MICAL1: variants seen among roughly 807,000 people sequenced by gnomAD.
MICAL1 encodes the protein [F-actin]-monooxygenase MICAL1.
A neutral mutation model predicts 131.8 loss-of-function variants in MICAL1; 95 were observed. That is an observed-to-expected ratio of 0.72 (90% CI 0.61 to 0.86). MICAL1 has a LOEUF of 0.86. Ranked by LOEUF, MICAL1 falls within the 40% of genes least tolerant of loss-of-function variation. The pLI is 0.00. For missense variants in MICAL1, 1,292 were observed against 1,380.6 expected, an observed-to-expected ratio of 0.94 and a Z score of 1.02; for synonymous variants, 546 against 554.2, an observed-to-expected ratio of 0.99 and a Z score of 0.21.
intron 22 of MICAL1, 73 bp downstream of exon 22, chr6:109,445,118 CACTGGG>C: frequency 6.3e-7 from 1 of 1,581,222 alleles, no homozygotes; most frequent in African/African-American, 1.3e-5. Context: ...GTGGCATAGC[CACTGGG>C]ACTCCTACGG....
rs148893072 is a variant in MICAL1 at position 109,449,468 on chromosome 6, T to C, written c.1448A>G (p.Tyr483Cys). 3.7e-6 allele frequency: 6 copies of C among 1,614,196 alleles called. No homozygotes were observed. The highest frequency in any genetic ancestry group is 2.2e-5 in the East Asian group (1 of 44,876). Residue 483 changes from tyrosine to cysteine, a missense_variant, in exon 11 of 25, where the codon TAT (tyrosine) becomes TGT (cysteine). By Grantham distance (194) the Tyr-to-Cys change is radical. Transcript: ENST00000358807. ...CACAGGCTCCTTGGCTAGCACATCA[T>C]ACAGGTCTCGTACCTAAGGCAGCCC... Reference protein sequence around the residue: ...AVTPNQVRDLYDVLAKEPVQR... With the variant: ...AVTPNQVRDLCDVLAKEPVQR...
Position 109,447,239 on chromosome 6 carries a change from C to CT in MICAL1, c.2071-11_2071-10insA. 1 of 1,613,920 alleles carries CT rather than the reference C, an allele frequency of 6.2e-7. No individual in the cohort carries two copies. Among genetic ancestry groups the CT allele is most frequent in the Non-Finnish European group, 8.5e-7 (1 of 1,179,868 alleles). On this transcript the variant is annotated splice_polypyrimidine_tract_variant and intron_variant, in intron 16 of 24. Transcript: ENST00000358807. ...GGTCCCCAGCACCGGCCTGCGTGGA[C>CT]CCCCAGGACACAGGGTCAGGTGGAG...
rs1162823714 is a variant in MICAL1, at chr6:109,452,293, G to A, written c.785C>T (p.Ala262Val). The A allele has an allele frequency of 3.1e-6, 5 of 1,614,018 alleles. No individual in the cohort carries two copies. The highest frequency in any genetic ancestry group is 4.2e-6 in the Non-Finnish European group (5 of 1,180,024). The part of the protein sequence containing the change: ...ETQVPEISGV[A>V]RIYNQSFFQS... ...GAAGAAGCTCTGGTTGTAGATCCTGGCTACACCACTGATCTCCGGCACCTG... is the reference window on the plus strand; with the variant it reads ...GAAGAAGCTCTGGTTGTAGATCCTGACTACACCACTGATCTCCGGCACCTG... The change falls in exon 6 of 25, where the codon GCC becomes GTC. Residue 262 changes from alanine (A) to valine (V), a missense_variant. Transcript: ENST00000358807.
chr6:109,446,551 G>C (rs1775227158), intron 18 of MICAL1, 139 bp from the exon 19 acceptor site: 2 of 1,363,394 alleles, frequency 1.5e-6, no homozygotes, highest in Non-Finnish European at 2.1e-6. Flanking sequence ...AGAACAAGAA[G>C]TGTAAGCAGA....
chr6:109,452,198 G>T (rs1219609154), intron 6 of MICAL1, 48 bp downstream of exon 6: 4 of 1,576,574 alleles, frequency 2.5e-6, no homozygotes, highest in Non-Finnish European at 3.5e-6. Context: ...CAGGAGCCAG[G>T]CCACAGTCAG....
At position 109,453,675 on chromosome 6, in the gene MICAL1, G is replaced by T; in HGVS notation, c.429C>A (p.Phe143Leu). The change falls in exon 3 of 25, where the codon TTC becomes TTA. Residue 143 changes from phenylalanine (F) to leucine (L), a missense_variant. Transcript: ENST00000358807. ...HDLRALGAKK[F>L]YGRFCTGTLD... ...GGGTGCCGGTGCAGAAGCGCCCGTA[G>T]AACTTCTTAGCACCGAGTGCCCGCA... 5 of 1,613,488 alleles carry T rather than the reference G, an allele frequency of 3.1e-6. No individual in the cohort carries two copies. The highest frequency in any genetic ancestry group is 4.2e-6 in the Non-Finnish European group (5 of 1,179,780).
chr6:109,445,647 T>C (rs987068561), intron 20 of MICAL1, 118 bp from the exon 21 acceptor site: 12 of 1,503,486 alleles, frequency 8.0e-6, no homozygotes, highest in African/African-American at 1.4e-5. Flanking sequence ...GTAGAAAAGG[T>C]AGAGGCCAGA....
chr6:109,455,830 A>G, upstream of MICAL1: 5 of 985,190 alleles, frequency 5.1e-6, no homozygotes, highest in Non-Finnish European at 6.0e-6. This position sits in a 1 kb window ranked among gnomAD's most constrained non-coding sequence, Gnocchi z 4.7. Context: ...TCGGGCGGGG[A>G]TGCTGGGATG....
rs1775298287 is a variant in MICAL1 at position 109,447,707 on chromosome 6, C to T, written c.1960G>A (p.Ala654Thr). ...RSRAKENAEDAGGKKLRLEME... is the reference protein window; with the variant it reads ...RSRAKENAEDTGGKKLRLEME... ...TCCAAGCGCAGCTTCTTGCCACCAG[C>T]ATCCTCTGCATTTTCCTGCAATAAG... The change falls in exon 15 of 25, where the codon GCT (alanine) becomes ACT (threonine). Residue 654 changes from alanine (A) to threonine (T), a missense_variant. Transcript: ENST00000358807. 1 of 1,614,104 alleles carries T rather than the reference C, an allele frequency of 6.2e-7. No individual in the cohort carries two copies. Among genetic ancestry groups the T allele is most frequent in the South Asian group, 1.1e-5 (1 of 91,076 alleles).
Position 109,445,403 on chromosome 6 carries a change from C to T in MICAL1, c.2787+13G>A, listed in dbSNP as rs1464765731. 6 of 1,613,866 alleles carry T rather than the reference C, an allele frequency of 3.7e-6. No individual in the cohort carries two copies. The highest frequency in any genetic ancestry group is 1.1e-5 in the South Asian group (1 of 91,080). On this transcript the variant is annotated intron_variant, in intron 21 of 24. Coordinates refer to ENST00000358807, the MANE Select transcript of MICAL1 (RefSeq NM_022765.4). ...TTGACCCCATCAGAATTTTGGGAAC[C>T]CCCGGGCTTCACCTGGGCCTTGCAG...
At chr6:109,445,979 G>A in intron 19 of MICAL1, 117 bp from the exon 20 acceptor site, 3 of 1,494,954 alleles carry the variant, frequency 2.0e-6, no homozygotes, top group Non-Finnish European at 1.8e-6. Flanking sequence ...GTATGTGTTG[G>A]GGCATGGGAG....
At chr6:109,444,658 T>C in intron 24 of MICAL1, 67 bp downstream of exon 24, 1 of 1,560,300 alleles carries the variant, frequency 6.4e-7, no homozygotes, top group Non-Finnish European at 8.8e-7. Context: ...TTGGTCAGTA[T>C]CTGAGATCAT....
Position 109,445,770 on chromosome 6 carries a change from C to T in MICAL1, c.2673+1G>A, listed in dbSNP as rs896675855. ...TTGTGGCTGCACGCTGGCCCACTCA[C>T]CTGTTCCACATCTGAGTCCAAAGGC... On this transcript the variant is annotated splice_donor_variant, in intron 20 of 24. Coordinates refer to ENST00000358807, the MANE Select transcript of MICAL1 (RefSeq NM_022765.4). LOFTEE classifies it high-confidence loss of function. 3 of 1,609,880 alleles carry T rather than the reference C, an allele frequency of 1.9e-6. No individual in the cohort carries two copies. Among genetic ancestry groups the T allele is most frequent in the African/African-American group, 1.3e-5 (1 of 74,846 alleles).
Position 109,444,173 on chromosome 6 carries a change from C to T in MICAL1, c.*18G>A. 6.2e-7 allele frequency: 1 copy of T among 1,606,660 alleles called. No individual in the cohort carries two copies. The highest frequency in any genetic ancestry group is 8.5e-7 in the Non-Finnish European group (1 of 1,177,432). On this transcript the variant is annotated 3_prime_UTR_variant, in exon 25 of 25. Coordinates refer to ENST00000358807, the MANE Select transcript of MICAL1 (RefSeq NM_022765.4). ...GGTGCTTTCTTTGTGGGAACGAAAG[C>T]AGACGGCCCACCCTCGTCTAGCCCT...
intron 4 of MICAL1, among the ~76,000 whole-genome samples, chr6:109,452,970 AAC>A (rs760751563): frequency 3.7e-4 from 56 of 152,278 alleles, no homozygotes; most frequent in Non-Finnish European, 7.4e-4. Flanking sequence ...CAGCCTGGCC[AAC>A]ACAGTGAAAC....
At position 109,447,912 on chromosome 6, in the gene MICAL1, C is replaced by T. The variant is rs754572917; in HGVS notation, c.1907G>A (p.Ser636Asn). ...PGTSSAVLFL[S>N]KLQRTLQRSR... ...TCGCTGCAGGGTCCTCTGAAGTTTACTAAGGAATAATACAGCACTGGAGGT... is the reference window on the plus strand; with the variant it reads ...TCGCTGCAGGGTCCTCTGAAGTTTATTAAGGAATAATACAGCACTGGAGGT... Residue 636 changes from serine to asparagine, a missense_variant, in exon 14 of 25, where the codon AGT becomes AAT. By Grantham distance (46) the Ser-to-Asn change is conservative. Coordinates refer to ENST00000358807, the MANE Select transcript of MICAL1 (RefSeq NM_022765.4). 2 of 1,613,382 alleles carry T rather than the reference C, an allele frequency of 1.2e-6. No homozygotes were observed. The highest frequency in any genetic ancestry group is 2.2e-5 in the East Asian group (1 of 44,868).
At chr6:109,457,841 A>G (rs1775795011), upstream of MICAL1, among the ~76,000 whole-genome samples, 1 of 152,260 alleles carries the variant, frequency 6.6e-6, no homozygotes, top group South Asian at 2.1e-4. Flanking sequence ...TGAAGTTTCA[A>G]CTTATGCTAA....
In MICAL1 at chr6:109,447,296, A is replaced by T. The variant is rs548362046; in HGVS notation, c.2070+61T>A. On this transcript the variant is annotated intron_variant, in intron 16 of 24. Transcript: ENST00000358807. ...CCAGCTCCAAAGTTCTTTCCCTCCCATGAAACGCCCCTGCCCTGCCCTCCC... is the reference window on the plus strand; with the variant it reads ...CCAGCTCCAAAGTTCTTTCCCTCCCTTGAAACGCCCCTGCCCTGCCCTCCC... 2.2e-5 allele frequency: 35 copies of T among 1,613,858 alleles called. No individual in the cohort carries two copies. In the African/African-American group the frequency reaches 3.9e-4, roughly 18 times the overall value.
rs1297256878 is a variant in MICAL1 at position 109,444,319 on chromosome 6, C to G, written c.3076G>C (p.Asp1026His). 2.5e-6 allele frequency: 4 copies of G among 1,613,578 alleles called. No individual in the cohort carries two copies. In the Admixed American group the frequency reaches 6.7e-5, roughly 27 times the overall value. The change falls in exon 25 of 25, where the codon GAT (aspartate) becomes CAT (histidine). Residue 1026 changes from aspartate to histidine, a missense_variant. Asp to His is a moderately conservative substitution (Grantham distance 81). Coordinates refer to ENST00000358807, the MANE Select transcript of MICAL1 (RefSeq NM_022765.4). The stretch of plus-strand genomic sequence containing the variant: ...AGGACCTGGTCCTCAGCCTGCCGAT[C>G]AGCAGCTGTCTTTAGGTTTTCTAAA... Reference protein sequence around the residue: ...NREENLKTAADRQAEDQVLRK... With the variant: ...NREENLKTAAHRQAEDQVLRK...
Sources: allele counts gnomAD v4.1 joint callset (sites outside exome capture counted in the v4.1 genomes callset), GRCh38; gene constraint gnomAD v4.1.1; non-coding constraint Gnocchi (gnomAD v3.1); transcripts MANE v1.5; gene names NCBI Gene and HGNC (gene_info 2026-07-23, HGNC 2026-07-21).